MT1E: variants seen among roughly 807,000 people sequenced by gnomAD.
The protein encoded by MT1E is metallothionein 1E.
Under a neutral mutation model 2.4 loss-of-function variants are expected in MT1E, and 1 was observed. That is an observed-to-expected ratio of 0.41 (90% CI 0.15 to 1.97). The LOEUF (loss-of-function observed/expected upper bound fraction) is 1.97, where lower values mean the gene tolerates loss of function less well. Ranked by LOEUF, MT1E falls within the 30% of genes most tolerant of loss-of-function variation. MT1E has a pLI of 0.30. For synonymous variants in MT1E, 78 were observed against 63.0 expected, an observed-to-expected ratio of 1.24 and a Z score of -1.13; for missense variants, 145 against 149.6, an observed-to-expected ratio of 0.97 and a Z score of 0.16.
chr16:56,626,445 G>T (rs1960209549), intron 1 of MT1E, 21 bp from the exon 2 acceptor site: 1 of 1,614,238 alleles, frequency 6.2e-7, no homozygotes, highest in Non-Finnish European at 8.5e-7. Flanking sequence ...ACTGCCCACT[G>T]CGTTTTCCTC....
In MT1E at chr16:56,626,647, C is replaced by A; in HGVS notation, c.210C>A (p.Pro70=). 6.2e-7 allele frequency: 1 copy of A among 1,607,752 alleles called. No individual in the cohort carries two copies. The highest frequency in any genetic ancestry group is 8.5e-7 in the Non-Finnish European group (1 of 1,176,900). ...CTGGGCTTTCTTTGCCCTCATTGCC[C>A]GTGTCATTCCCTCTCCAGGCTTTCT... is the stretch of plus-strand genomic sequence containing the variant. ...WGTGLSLPSL[P]VSFPLQAFCP... Residue 70 remains proline, a synonymous_variant, in exon 2 of 2, where the codon CCC becomes CCA. Coordinates refer to ENST00000330439, the MANE Select transcript of MT1E (RefSeq NM_001363555.2).
chr16:56,626,736 C>G lies in MT1E; in HGVS notation c.299C>G (p.Pro100Arg), dbSNP rs563265704. 3 of 1,604,844 alleles carry G rather than the reference C, an allele frequency of 1.9e-6. No homozygotes were observed. Among genetic ancestry groups the G allele is most frequent in the Non-Finnish European group, 8.5e-7 (1 of 1,175,986 alleles). ...FSWDTNPNCT[P>R]YGFRTELCQT... ...TGGGACACAAACCCCAACTGTACCC[C>G]CTATGGTTTCAGAACAGAGCTGTGC... The change falls in exon 2 of 2, where the codon CCC becomes CGC. Residue 100 changes from proline to arginine, a missense_variant. Physicochemically the swap from Pro to Arg is moderately radical, Grantham distance 103 (BLOSUM62 -2). Coordinates refer to ENST00000330439, the MANE Select transcript of MT1E (RefSeq NM_001363555.2).
chr16:56,626,778 T>C lies in MT1E; in HGVS notation c.341T>C (p.Ile114Thr), dbSNP rs779754537. The C allele has an allele frequency of 8.7e-6, 14 of 1,613,704 alleles. No homozygotes were observed. In the South Asian group the frequency reaches 1.3e-4, roughly 15 times the overall value. Reference protein sequence around the residue: ...RTELCQTKKSILWVWVLSSSQ... With the variant: ...RTELCQTKKSTLWVWVLSSSQ... ...GAGCTGTGCCAGACGAAAAAAAGCA[T>C]CCTCTGGGTCTGGGTTCTGAGCTCG... The change falls in exon 2 of 2, where the codon ATC becomes ACC. Residue 114 changes from isoleucine (I) to threonine (T), a missense_variant. Ile to Thr is a moderately conservative substitution (Grantham distance 89). Transcript: ENST00000330439.
chr16:56,626,737 C>A lies in MT1E; in HGVS notation c.300C>A (p.Pro100=), dbSNP rs182290972. ...GGGACACAAACCCCAACTGTACCCC[C>A]TATGGTTTCAGAACAGAGCTGTGCC... is the stretch of plus-strand genomic sequence containing the variant. The part of the protein sequence containing the change: ...FSWDTNPNCT[P]YGFRTELCQT... Residue 100 remains proline (P), a synonymous_variant, in exon 2 of 2, where the codon CCC becomes CCA. Transcript: ENST00000330439. 7 of 1,605,266 alleles carry A rather than the reference C, an allele frequency of 4.4e-6. No individual in the cohort carries two copies. The highest frequency in any genetic ancestry group is 6.0e-6 in the Non-Finnish European group (7 of 1,176,154).
chr16:56,626,641 A>G lies in MT1E; in HGVS notation c.204A>G (p.Ser68=), dbSNP rs557361966. 3.2e-5 allele frequency: 51 copies of G among 1,610,272 alleles called. 1 individual carries two copies. The East Asian group carries it at 1.1e-3, about 34-fold the overall frequency. The change falls in exon 2 of 2, where the codon TCA becomes TCG. Residue 68 remains serine, a synonymous_variant. Transcript: ENST00000330439. ...GGGGAACTGGGCTTTCTTTGCCCTC[A>G]TTGCCCGTGTCATTCCCTCTCCAGG... ...SFWGTGLSLP[S]LPVSFPLQAF... is the part of the protein sequence containing the mutation.
Position 56,626,515 on chromosome 16 carries a change from C to A in MT1E, c.78C>A (p.Cys26Ter), listed in dbSNP as rs1960211088. 3 of 1,614,144 alleles carry A rather than the reference C, an allele frequency of 1.9e-6. No homozygotes were observed. Among genetic ancestry groups the A allele is most frequent in the Non-Finnish European group, 2.5e-6 (3 of 1,180,056 alleles). The change falls in exon 2 of 2, where the codon TGC becomes TGA. Residue 26 changes from cysteine (C) to a stop codon, truncating the protein, a stop_gained. Coordinates refer to ENST00000330439, the MANE Select transcript of MT1E (RefSeq NM_001363555.2). LOFTEE classifies it low-confidence loss of function (END_TRUNC). ...AGSCKCKECK[C>*]TSCKKSECGA... ...CCTGCAAGTGCAAAGAGTGCAAATG[C>A]ACCTCCTGCAAGAAGAGTGAGTGCG...
intron 1 of MT1E, 73 bp downstream of exon 1, chr16:56,625,952 T>C (rs1960202407): frequency 6.3e-7 from 1 of 1,586,966 alleles, no homozygotes; most frequent in Non-Finnish European, 8.6e-7. Context: ...TTTCAGGAAG[T>C]CGCATTTTAA....
chr16:56,625,803 C>T lies in MT1E; in HGVS notation c.-49C>T. On this transcript the variant is annotated 5_prime_UTR_variant, in exon 1 of 2. Transcript: ENST00000330439. The stretch of plus-strand genomic sequence containing the variant: ...TCCATTCTGCTTTCCAACTGCCTGA[C>T]TGCTTGTTCGTCTCACTGGTGTGAG... The T allele has an allele frequency of 6.2e-7, 1 of 1,609,918 alleles. No homozygotes were observed. Among genetic ancestry groups the T allele is most frequent in the Non-Finnish European group, 8.5e-7 (1 of 1,177,604 alleles).
intron 1 of MT1E, among the ~76,000 whole-genome samples, chr16:56,626,253 C>T (rs1960206580): frequency 6.6e-6 from 1 of 152,186 alleles, no homozygotes; most frequent in Non-Finnish European, 1.5e-5. Flanking sequence ...TGTATGTGCA[C>T]GTGGGACCTT....
chr16:56,626,156 A>C (rs146867700), intron 1 of MT1E, among the ~76,000 whole-genome samples: 6 of 152,144 alleles, frequency 3.9e-5, no homozygotes, highest in African/African-American at 1.4e-4. Context: ...GGCTCTGAGC[A>C]ATCAGTGTGG....
rs1960202015 is a variant in MT1E at position 56,625,920 on chromosome 16, C to G, written c.28+41C>G. On this transcript the variant is annotated intron_variant, in intron 1 of 1. Coordinates refer to ENST00000330439, the MANE Select transcript of MT1E (RefSeq NM_001363555.2). ...CGCCCTGGAATCCCCATTTCCCAGC[C>G]CTATTACAGAGGGTCTCTGGGTTTC... 3.7e-6 allele frequency: 6 copies of G among 1,613,222 alleles called. No individual in the cohort carries two copies. In the East Asian group the frequency reaches 1.3e-4, roughly 36 times the overall value.
In MT1E at chr16:56,626,529, A is replaced by C. The variant is rs1269533480; in HGVS notation, c.92A>C (p.Lys31Thr). ...CKECKCTSCK[K>T]SECGAISRNL... Reference sequence around the variant, plus strand: ...GAGTGCAAATGCACCTCCTGCAAGAAGAGTGAGTGCGGGGCCATCTCCAGG... The same window carrying C: ...GAGTGCAAATGCACCTCCTGCAAGACGAGTGAGTGCGGGGCCATCTCCAGG... Residue 31 changes from lysine (K) to threonine (T), a missense_variant, in exon 2 of 2, where the codon AAG (lysine) becomes ACG (threonine). Transcript: ENST00000330439. 2.5e-6 allele frequency: 4 copies of C among 1,614,256 alleles called. No homozygotes were observed. In the South Asian group the frequency reaches 4.4e-5, roughly 18 times the overall value.
At position 56,626,387 on chromosome 16, in the gene MT1E, G is replaced by A. The variant is rs1960208677; in HGVS notation, c.29-79G>A. ...AGGGCTGGCCCTGCACAGAGGAGGG[G>A]GCACTGGAGACTCACTGACCCACTG... On this transcript the variant is annotated intron_variant, in intron 1 of 1. Coordinates refer to ENST00000330439, the MANE Select transcript of MT1E (RefSeq NM_001363555.2). The A allele has an allele frequency of 3.7e-6, 6 of 1,601,106 alleles. No homozygotes were observed. The Middle Eastern group carries it at 5.0e-4, about 132-fold the overall frequency.
intron 1 of MT1E, 148 bp from the exon 2 acceptor site, chr16:56,626,318 C>CA (rs1437458993): frequency 8.0e-7 from 1 of 1,253,636 alleles, no homozygotes; most frequent in African/African-American, 1.5e-5. Flanking sequence ...GTGGAGAGGA[C>CA]ATGGGGCTTC....
Position 56,625,864 on chromosome 16 carries a change from TG to T in MT1E, c.14del (p.Cys5SerfsTer51). 6.2e-7 allele frequency: 1 copy of T among 1,613,742 alleles called. No homozygotes were observed. The highest frequency in any genetic ancestry group is 8.5e-7 in the Non-Finnish European group (1 of 1,180,012). MDPN[C>X]SCATGGSCTC... ...CCCTTTGCTCGAAATGGACCCCAAC[TG>T]CTCTTGCGCCACTGGTAAGGGAAGC... On this transcript the variant is annotated frameshift_variant, in exon 1 of 2. Transcript: ENST00000330439. LOFTEE classifies it low-confidence loss of function (END_TRUNC).
At position 56,626,972 on chromosome 16, in the gene MT1E, T is replaced by C; in HGVS notation, c.*151T>C. On this transcript the variant is annotated 3_prime_UTR_variant, in exon 2 of 2. Coordinates refer to ENST00000330439, the MANE Select transcript of MT1E (RefSeq NM_001363555.2). ...GGAGAAGTGCAGCTGCTGTGCCTGA[T>C]GTGGGAACAGCTCTTCTCCCAGATG... The C allele has an allele frequency of 6.2e-7, 1 of 1,614,232 alleles. No individual in the cohort carries two copies. The highest frequency in any genetic ancestry group is 8.5e-7 in the Non-Finnish European group (1 of 1,180,034).
At chr16:56,626,222 G>A (rs999001835) in intron 1 of MT1E, among the ~76,000 whole-genome samples, 2 of 152,168 alleles carry the variant, frequency 1.3e-5, no homozygotes, top group Non-Finnish European at 2.9e-5. Flanking sequence ...GTTCTGGCTC[G>A]CAGTCTCAAT....
rs369411323 is a variant in MT1E, at chr16:56,626,561, G to C, written c.124G>C (p.Gly42Arg). Reference protein sequence around the residue: ...SECGAISRNLGLWLRLGGNSR... With the variant: ...SECGAISRNLRLWLRLGGNSR... ...GTGCGGGGCCATCTCCAGGAATCTG[G>C]GGCTGTGGCTCAGGTTGGGAGGGAA... Residue 42 changes from glycine to arginine, a missense_variant, in exon 2 of 2, where the codon GGG (glycine) becomes CGG (arginine). Gly to Arg is a moderately radical substitution (Grantham distance 125). Transcript: ENST00000330439. 52 of 1,614,120 alleles carry C rather than the reference G, an allele frequency of 3.2e-5. 1 individual carries two copies. The African/African-American group carries it at 4.4e-4, about 14-fold the overall frequency.
In MT1E at chr16:56,626,464, A is replaced by G. The variant is rs1218991923; in HGVS notation, c.29-2A>G. ...CCCACTGCGTTTTCCTCTTCCTTGT[A>G]GGTGGCTCCTGCACGTGCGCCGGCT... On this transcript the variant is annotated splice_acceptor_variant, in intron 1 of 1. Transcript: ENST00000330439. LOFTEE classifies it high-confidence loss of function. 1 of 1,614,196 alleles carries G rather than the reference A, an allele frequency of 6.2e-7. No homozygotes were observed. Among genetic ancestry groups the G allele is most frequent in the Non-Finnish European group, 8.5e-7 (1 of 1,180,030 alleles).
Sources: gnomAD v4.1 joint callset for allele counts (sites outside exome capture counted in the v4.1 genomes callset) on GRCh38, gnomAD v4.1.1 for gene constraint, MANE v1.5 for transcripts, NCBI Gene and HGNC (gene_info 2026-07-23, HGNC 2026-07-21) for gene names.